Variants in DIS3 observed in about 807,000 individuals in gnomAD.
DIS3 encodes DIS3 exosome endoribonuclease and 3'-5' exoribonuclease.
A neutral mutation model predicts 113.0 loss-of-function variants in DIS3; 103 were observed. The observed-to-expected ratio is 0.91, with a 90% confidence interval of 0.78 to 1.07. The LOEUF (loss-of-function observed/expected upper bound fraction) is 1.07, where lower values mean the gene tolerates loss of function less well. DIS3 is among the 50% of genes least tolerant of loss of function. The pLI is 0.00. For synonymous variants in DIS3, 402 were observed against 394.3 expected (o/e 1.02, Z -0.23); for missense variants, 1,121 against 1,167.1 (o/e 0.96, Z 0.58).
chr13:72,764,422 A>G (rs1037716993), intron 15 of DIS3, among the ~76,000 whole-genome samples: 6 of 152,280 alleles, frequency 3.9e-5, no homozygotes, highest in East Asian at 1.9e-4. Context: ...TCATTGTGCT[A>G]TAAGTACATC....
At chr13:72,764,279 TAA>T (rs2033698302) in intron 15 of DIS3, among the ~76,000 whole-genome samples, 1 of 152,212 alleles carries the variant, frequency 6.6e-6, no homozygotes, top group Admixed American at 6.5e-5. Flanking sequence ...TGTAAATCAA[TAA>T]AGTTTACAAG....
In DIS3 at chr13:72,778,244, T is replaced by C. The variant is rs2034067591; in HGVS notation, c.523A>G (p.Thr175Ala). The C allele has an allele frequency of 2.5e-6, 4 of 1,609,402 alleles. No individual in the cohort carries two copies. Among genetic ancestry groups the C allele is most frequent in the Non-Finnish European group, 3.4e-6 (4 of 1,176,402 alleles). Residue 175 changes from threonine (T) to alanine (A), a missense_variant, in exon 3 of 21, where the codon ACA (threonine) becomes GCA (alanine). Thr to Ala is a moderately conservative substitution (Grantham distance 58). Around this residue, in one of 3 missense-constraint regions of DIS3, gnomAD observed 254 missense variants for 232.2 expected, o/e 1.09. Transcript: ENST00000377767. The stretch of plus-strand genomic sequence containing the variant: ...TTCTCTTTGTTTCTCCTGTCATTTG[T>C]TATGAAGATAACTTGCAGCTGGTTG... ...ADNQLQVIFITNDRRNKEKAI... is the reference protein window; with the variant it reads ...ADNQLQVIFIANDRRNKEKAI...
chr13:72,768,669 G>A (rs1321569335), intron 14 of DIS3, 116 bp downstream of exon 14: 1 of 743,848 alleles, frequency 1.3e-6, no homozygotes, highest in Non-Finnish European at 2.0e-6. Context: ...TACATAAATG[G>A]AAGCTAGAAG....
rs2033571649 is a variant in DIS3 at position 72,759,457 on chromosome 13, TAATC to T, written c.*334_*337del. 2 of 236,404 alleles carry T rather than the reference TAATC, an allele frequency of 8.5e-6. No homozygotes were observed. Among genetic ancestry groups the T allele is most frequent in the African/African-American group, 4.4e-5 (2 of 45,306 alleles). 14.6% of individuals were successfully genotyped at this position (236,404 alleles called of 1,614,324 possible). A position where few individuals can be genotyped will look rare whatever the true frequency, so the allele number is the denominator to read the frequency against. On this transcript the variant is annotated 3_prime_UTR_variant, in exon 21 of 21. Transcript: ENST00000377767. The stretch of plus-strand genomic sequence containing the variant: ...AAAGTTTTTTCTTACAAATATTAAA[TAATC>T]AAAGTACTTACGCAAAATTAATCTG...
At chr13:72,760,819 G>T (rs2033604892) in intron 19 of DIS3, among the ~76,000 whole-genome samples, 168 bp from the exon 20 acceptor site, 1 of 152,010 alleles carries the variant, frequency 6.6e-6, no homozygotes, top group Non-Finnish European at 1.5e-5. Flanking sequence ...ATATAAATAT[G>T]ACCTACTTAT....
intron 2 of DIS3, among the ~76,000 whole-genome samples, chr13:72,779,187 C>G (rs1430815471): frequency 6.7e-6 from 1 of 149,724 alleles, no homozygotes; most frequent in Non-Finnish European, 1.5e-5. Context: ...GTGGCATGAT[C>G]TCAGCTTACT....
In DIS3 at chr13:72,757,844, C is replaced by T. The variant is rs922300943; in HGVS notation, c.*1951G>A. 1 of 208,672 alleles carries T rather than the reference C, an allele frequency of 4.8e-6. No individual in the cohort carries two copies. The highest frequency in any genetic ancestry group is 9.8e-6 in the Non-Finnish European group (1 of 102,404). 12.9% of individuals were successfully genotyped at this position (208,672 alleles called of 1,614,324 possible). ...TTTTGGTCAACAATGGCCAAATATA[C>T]GATGATGATCCCGTAAGATTACAAT... On this transcript the variant is annotated 3_prime_UTR_variant, in exon 21 of 21. Coordinates refer to ENST00000377767, the MANE Select transcript of DIS3 (RefSeq NM_014953.5).
rs1384571153 is a variant in DIS3 at position 72,752,698 on chromosome 13, T to A, written c.*7097A>T. 1 of 149,876 alleles carries A rather than the reference T, an allele frequency of 6.7e-6. No homozygotes were observed. The highest frequency in any genetic ancestry group is 2.5e-5 in the African/African-American group (1 of 39,304). The allele number at this position is 149,876 out of a possible 1,614,324, so 9.3% of individuals were successfully genotyped here. A position where few individuals can be genotyped will look rare whatever the true frequency, so the allele number is the denominator to read the frequency against. ...CACATCACAAGGCTTTTGTTCTAATTGGAACATGACCTCTAGTAGTAAGCA... is the reference window on the plus strand; with the variant it reads ...CACATCACAAGGCTTTTGTTCTAATAGGAACATGACCTCTAGTAGTAAGCA... On this transcript the variant is annotated 3_prime_UTR_variant, in exon 21 of 21. Transcript: ENST00000377767.
Position 72,776,018 on chromosome 13 carries a change from A to T in DIS3, c.729T>A (p.Ser243=), listed in dbSNP as rs1652741605. Residue 243 remains serine, a synonymous_variant, in exon 5 of 21, where the codon TCT becomes TCA. Transcript: ENST00000377767. ...TAAATGTTCCTTGAAGGTATGTACC[A>T]GATTTTATGCCTTGCTGTAGCTTAC... is the stretch of plus-strand genomic sequence containing the variant. ...PLSKLQQGIK[S]GTYLQGTFRA... is the part of the protein sequence containing the mutation. 6.2e-7 allele frequency: 1 copy of T among 1,611,382 alleles called. No homozygotes were observed. The highest frequency in any genetic ancestry group is 8.5e-7 in the Non-Finnish European group (1 of 1,179,244).
Position 72,772,140 on chromosome 13 carries a change from C to T in DIS3, c.1503+19G>A, listed in dbSNP as rs771891276. ...GAACAGAACTATATTTAGGTAAGAA[C>T]ACTATTACATATGAATACCTCCAAA... On this transcript the variant is annotated intron_variant, in intron 10 of 20. Coordinates refer to ENST00000377767, the MANE Select transcript of DIS3 (RefSeq NM_014953.5). 6.4e-7 allele frequency: 1 copy of T among 1,571,330 alleles called. No individual in the cohort carries two copies. Among genetic ancestry groups the T allele is most frequent in the South Asian group, 1.1e-5 (1 of 88,470 alleles).
rs1183513355 is a variant in DIS3, at chr13:72,754,339, T to A, written c.*5456A>T. 6.7e-6 allele frequency: 1 copy of A among 149,976 alleles called. No individual in the cohort carries two copies. Among genetic ancestry groups the A allele is most frequent in the Admixed American group, 6.8e-5 (1 of 14,674 alleles). The allele number at this position is 149,976 out of a possible 1,614,324, so 9.3% of individuals were successfully genotyped here. A position where few individuals can be genotyped will look rare whatever the true frequency, so the allele number is the denominator to read the frequency against. ...CTTTTTTTTTTTTTTTGAGACAGGG[T>A]CTTACTCTGTCACCCGGGCTGGAGT... is the stretch of plus-strand genomic sequence containing the variant. On this transcript the variant is annotated 3_prime_UTR_variant, in exon 21 of 21. Coordinates refer to ENST00000377767, the MANE Select transcript of DIS3 (RefSeq NM_014953.5).
intron 14 of DIS3, among the ~76,000 whole-genome samples, chr13:72,767,399 T>G (rs1206465846): frequency 6.6e-6 from 1 of 152,236 alleles, no homozygotes. Flanking sequence ...TGGTGTTTTG[T>G]GTCACACAAA....
In DIS3 at chr13:72,775,367, T is replaced by A; in HGVS notation, c.831A>T (p.Leu277Phe). 6.2e-7 allele frequency: 1 copy of A among 1,601,156 alleles called. No homozygotes were observed. The highest frequency in any genetic ancestry group is 1.3e-5 in the African/African-American group (1 of 74,326). ...GDNEENKEII[L>F]QGLKHLNRAV... ...CTCTGTTTAAATGTTTAAGTCCCTGTAAGATTATCTGTTTAAAACAACAGA... is the reference window on the plus strand; with the variant it reads ...CTCTGTTTAAATGTTTAAGTCCCTGAAAGATTATCTGTTTAAAACAACAGA... The change falls in exon 6 of 21, where the codon TTA (leucine) becomes TTT (phenylalanine). Residue 277 changes from leucine to phenylalanine, a missense_variant. By Grantham distance (22) the Leu-to-Phe change is conservative. Transcript: ENST00000377767.
At chr13:72,764,965 ATAT>A (rs1041908178) in intron 15 of DIS3, among the ~76,000 whole-genome samples, 24 of 152,198 alleles carry the variant, frequency 1.6e-4, no homozygotes, top group African/African-American at 2.4e-4. Context: ...GGATTGTTAG[ATAT>A]TATAATAGCA....
At chr13:72,775,633 T>C (rs542092484) in intron 5 of DIS3, among the ~76,000 whole-genome samples, 1 of 152,248 alleles carries the variant, frequency 6.6e-6, no homozygotes, top group Admixed American at 6.5e-5. Context: ...ACAAGAGACT[T>C]TGGAAAAATT....
chr13:72,753,898 T>A lies in DIS3; in HGVS notation c.*5897A>T, dbSNP rs1277074077. On this transcript the variant is annotated 3_prime_UTR_variant, in exon 21 of 21. Transcript: ENST00000377767. ...AATAATTTTGATTATTAGACAATAG[T>A]ACTATTGAGAAACTATATGAAATTT... The A allele has an allele frequency of 6.0e-6, 8 of 1,339,240 alleles. No homozygotes were observed. The highest frequency in any genetic ancestry group is 8.2e-6 in the Non-Finnish European group (8 of 975,786). The allele number at this position is 1,339,240 out of a possible 1,614,324, so 83.0% of individuals were successfully genotyped here. A position where few individuals can be genotyped will look rare whatever the true frequency, so the allele number is the denominator to read the frequency against.
chr13:72,781,607 G>C lies in DIS3; in HGVS notation c.226C>G (p.Gln76Glu). 6.6e-7 allele frequency: 1 copy of C among 1,511,590 alleles called. No individual in the cohort carries two copies. Among genetic ancestry groups the C allele is most frequent in the Non-Finnish European group, 8.9e-7 (1 of 1,125,412 alleles). 93.6% of individuals were successfully genotyped at this position (1,511,590 alleles called of 1,614,324 possible). A position where few individuals can be genotyped will look rare whatever the true frequency, so the allele number is the denominator to read the frequency against. The change falls in exon 1 of 21, where the codon CAG (glutamine) becomes GAG (glutamate). Residue 76 changes from glutamine to glutamate, a missense_variant and splice_region_variant. Gln to Glu is a conservative substitution (Grantham distance 29). Around this residue, in one of 3 missense-constraint regions of DIS3, gnomAD observed 254 missense variants for 232.2 expected, o/e 1.09. Coordinates refer to ENST00000377767, the MANE Select transcript of DIS3 (RefSeq NM_014953.5). ...LLPDTNVLLH[Q>E]IDVLEDPAIR... Reference sequence around the variant, plus strand: ...CCGCGGTTCGCCCGCCCACGCACCTGGTGCAGTAACACATTAGTGTCGGGC... The same window carrying C: ...CCGCGGTTCGCCCGCCCACGCACCTCGTGCAGTAACACATTAGTGTCGGGC...
intron 9 of DIS3, 66 bp downstream of exon 9, chr13:72,772,627 G>A: frequency 6.6e-7 from 1 of 1,508,058 alleles, no homozygotes. Context: ...AACACATATA[G>A]AAATTAAACA....
chr13:72,774,090 T>A, intron 6 of DIS3, 31 bp from the exon 7 acceptor site: 1 of 1,467,442 alleles, frequency 6.8e-7, no homozygotes, highest in Non-Finnish European at 9.3e-7. Context: ...TGTTCAGTTA[T>A]ATTCCTCTAA....
Sources: gnomAD v4.1 joint callset for allele counts (sites outside exome capture counted in the v4.1 genomes callset) on GRCh38, gnomAD v4.1.1 for gene constraint, gnomAD v4.1.1 regional missense constraint, MANE v1.5 for transcripts, NCBI Gene and HGNC (gene_info 2026-07-23, HGNC 2026-07-21) for gene names.